The following MON2 variants were observed in gnomAD, a reference collection of about 807,000 sequenced individuals.
MON2 encodes the protein MON2 regulator of endosome-to-Golgi trafficking.
MON2 carries 84 observed loss-of-function variants against 208.6 expected under a neutral mutation model. The observed-to-expected ratio is 0.40, with a 90% CI of 0.34 to 0.48. The LOEUF (loss-of-function observed/expected upper bound fraction) is 0.48, where lower values mean the gene tolerates loss of function less well. Among genes scored for constraint, MON2 ranks in the 20% least tolerant of loss-of-function variants. The probability of loss-of-function intolerance (pLI) is 0.59; values close to 1 mark genes in which losing one functional copy is unlikely to be tolerated. For synonymous variants in MON2, 660 were observed against 694.0 expected (o/e 0.95, Z 0.77); for missense variants, 1,611 against 2,015.4 (o/e 0.80, Z 3.84).
At chr12:62,557,803 T>C (rs926351596) in intron 25 of MON2, among the ~76,000 whole-genome samples, 3 of 150,912 alleles carry the variant, frequency 2.0e-5, no homozygotes, top group Non-Finnish European at 4.4e-5. Context: ...TGGGATTTTT[T>C]CATATAAAAT....
At chr12:62,574,186 C>G (rs1362805734) in intron 30 of MON2, among the ~76,000 whole-genome samples, 1 of 152,100 alleles carries the variant, frequency 6.6e-6, no homozygotes, top group Non-Finnish European at 1.5e-5. Flanking sequence ...AGAATAGCAC[C>G]TGGCATGTAA....
intron 10 of MON2, 139 bp downstream of exon 10, chr12:62,525,359 A>G: frequency 1.3e-6 from 1 of 770,974 alleles, no homozygotes; most frequent in African/African-American, 1.7e-5. Flanking sequence ...AATTGCACTG[A>G]AAGAATAATC....
At chr12:62,585,641 G>A in intron 33 of MON2, 140 bp downstream of exon 33, 1 of 641,888 alleles carries the variant, frequency 1.6e-6, no homozygotes, top group Non-Finnish European at 2.5e-6. Flanking sequence ...ATCCCATATG[G>A]TGTAAATATT....
intron 2 of MON2, among the ~76,000 whole-genome samples, chr12:62,490,484 A>G (rs912337469): frequency 1.3e-5 from 2 of 152,088 alleles, no homozygotes; most frequent in Admixed American, 6.5e-5. Context: ...ATTAACTAAC[A>G]TATTATTAAA....
chr12:62,511,192 C>A lies in MON2; in HGVS notation c.984+2712C>A, dbSNP rs111650187. Among the ~76,000 whole-genome samples, 721 of 152,268 alleles carry A rather than the reference C, an allele frequency of 4.7e-3. 6 individuals are homozygous for A. Among genetic ancestry groups the A allele is most frequent in the African/African-American group, 0.016 (666 of 41,562 alleles). On this transcript the variant is annotated intron_variant, in intron 8 of 34. Transcript: ENST00000393630. ...AAATGTCCATATAATCTAAAGAGAT[C>A]TATGAATTAAATGCAGTTCCTATCA...
chr12:62,524,302 T>C (rs761789920), intron 8 of MON2, among the ~76,000 whole-genome samples: 6 of 152,176 alleles, frequency 3.9e-5, no homozygotes, highest in East Asian at 3.8e-4. Flanking sequence ...TTCAGGTATA[T>C]ATTTAGAGAA....
intron 30 of MON2, among the ~76,000 whole-genome samples, chr12:62,575,291 G>A (rs544534683): frequency 1.1e-4 from 16 of 152,316 alleles, no homozygotes; most frequent in Non-Finnish European, 1.6e-4. Context: ...GATACTAAAA[G>A]TGCAGTGTTA....
At chr12:62,583,675 A>G (rs111291168) in intron 32 of MON2, among the ~76,000 whole-genome samples, 87 of 152,072 alleles carry the variant, frequency 5.7e-4, no homozygotes, top group African/African-American at 1.9e-3. Flanking sequence ...GAGGCCAGGC[A>G]CAGTGGCTCA....
At chr12:62,504,372 G>A (rs1309202059) in intron 7 of MON2, among the ~76,000 whole-genome samples, 1 of 151,216 alleles carries the variant, frequency 6.6e-6, no homozygotes, top group Non-Finnish European at 1.5e-5. Flanking sequence ...AGCCTCCCGA[G>A]TAGTTGGGAC....
chr12:62,596,751 G>C lies in MON2; in HGVS notation c.*4002G>C, dbSNP rs1183113908. 1 of 152,146 alleles carries C rather than the reference G, an allele frequency of 6.6e-6. No individual in the cohort carries two copies. Among genetic ancestry groups the C allele is most frequent in the African/African-American group, 2.4e-5 (1 of 41,432 alleles). The allele number at this position is 152,146 out of a possible 1,614,324, so 9.4% of individuals were successfully genotyped here. A position where few individuals can be genotyped will look rare whatever the true frequency, so the allele number is the denominator to read the frequency against. On this transcript the variant is annotated 3_prime_UTR_variant, in exon 35 of 35. Coordinates refer to ENST00000393630, the MANE Select transcript of MON2 (RefSeq NM_015026.3). ...TTGAATTAAAGTTTTTGTATCTCTGGAAAGTAGAATAGTGCTTTCATTTGA... is the reference window on the plus strand; with the variant it reads ...TTGAATTAAAGTTTTTGTATCTCTGCAAAGTAGAATAGTGCTTTCATTTGA...
At chr12:62,503,868 C>T (rs1452014021) in intron 7 of MON2, among the ~76,000 whole-genome samples, 2 of 152,170 alleles carry the variant, frequency 1.3e-5, no homozygotes, top group African/African-American at 2.4e-5. Flanking sequence ...TCCCCAACCA[C>T]GTTGTGTAAA....
At chr12:62,488,173 C>T (rs899875326) in intron 2 of MON2, among the ~76,000 whole-genome samples, 1 of 151,996 alleles carries the variant, frequency 6.6e-6, no homozygotes, top group Non-Finnish European at 1.5e-5. Context: ...TCATGTCAAC[C>T]AGATAACAGA....
intron 3 of MON2, among the ~76,000 whole-genome samples, chr12:62,494,622 ATT>A (rs532901300): frequency 1.2e-4 from 18 of 152,016 alleles, no homozygotes; most frequent in African/African-American, 3.4e-4. Flanking sequence ...TATGGGTTGC[ATT>A]TTTTTTCTGT....
intron 12 of MON2, 106 bp from the exon 13 acceptor site, chr12:62,534,739 T>TG: frequency 1.4e-6 from 1 of 732,256 alleles, no homozygotes; most frequent in Non-Finnish European, 2.3e-6. Context: ...AAGTTGTTAA[T>TG]GGAATATTTG....
At chr12:62,534,530 AAAAAAAAAAAAAATATAT>A (rs2072825953) in intron 12 of MON2, among the ~76,000 whole-genome samples, 1 of 39,354 alleles carries the variant, frequency 2.5e-5, no homozygotes, top group Non-Finnish European at 4.6e-5. Context: ...AAAAAAAAAA[AAAAAAAAAAAAAATATAT>A]ATATATATAT....
chr12:62,467,322 A>G lies in MON2; in HGVS notation c.111+4A>G, dbSNP rs772633764. ...GAAATTCCCACCTGTCAAAGAGGTA[A>G]GCTTCAGGTGACGTCAGGAGAAGGC... On this transcript the variant is annotated splice_donor_region_variant and intron_variant, in intron 1 of 34. Transcript: ENST00000393630. The G allele has an allele frequency of 2.4e-5, 39 of 1,612,902 alleles. No homozygotes were observed. The Admixed American group carries it at 6.3e-4, about 26-fold the overall frequency.
At chr12:62,507,808 A>G (rs1258977895) in intron 7 of MON2, among the ~76,000 whole-genome samples, 1 of 152,058 alleles carries the variant, frequency 6.6e-6, no homozygotes, top group East Asian at 1.9e-4. Flanking sequence ...TTGCTCTGTT[A>G]CCCAGACTGG....
intron 12 of MON2, among the ~76,000 whole-genome samples, chr12:62,534,584 A>ATATATTTTATAT (rs2072875645): frequency 2.2e-5 from 3 of 134,190 alleles, no homozygotes; most frequent in South Asian, 2.3e-4. Flanking sequence ...ATATATATAT[A>ATATATTTTATAT]AAATTTAACG....
intron 30 of MON2, among the ~76,000 whole-genome samples, chr12:62,576,612 C>T (rs1348502714): frequency 3.3e-5 from 5 of 151,796 alleles, no homozygotes; most frequent in Non-Finnish European, 7.4e-5. Flanking sequence ...CTGTAGTTTT[C>T]AAATTTAAGG....
Sources: gnomAD v4.1 joint callset for allele counts (sites outside exome capture counted in the v4.1 genomes callset) on GRCh38, gnomAD v4.1.1 for gene constraint, MANE v1.5 for transcripts, NCBI Gene and HGNC (gene_info 2026-07-23, HGNC 2026-07-21) for gene names.